SLC1A7: variants seen among roughly 807,000 people sequenced by gnomAD.
SLC1A7 encodes solute carrier family 1 member 7.
SLC1A7 carries 40 observed loss-of-function variants against 47.7 expected under a neutral mutation model. The observed-to-expected ratio is 0.84, with a 90% CI of 0.65 to 1.09. The LOEUF is 1.09. Ranked by LOEUF, SLC1A7 falls within the 50% of genes least tolerant of loss-of-function variation. SLC1A7 has a pLI of 0.00. For missense variants in SLC1A7, 746 were observed against 769.5 expected (o/e 0.97, Z 0.36); for synonymous variants, 323 against 325.6 (o/e 0.99, Z 0.09).
rs6658725 is a variant in SLC1A7, at chr1:53,087,781, G to A, written c.*228C>T. The A allele has an allele frequency of 3.5e-5, 13 of 367,014 alleles. No individual in the cohort carries two copies. The highest frequency in any genetic ancestry group is 4.9e-5 in the Non-Finnish European group (10 of 205,422). 22.7% of individuals were successfully genotyped at this position (367,014 alleles called of 1,614,324 possible). A position where few individuals can be genotyped will look rare whatever the true frequency, so the allele number is the denominator to read the frequency against. On this transcript the variant is annotated 3_prime_UTR_variant, in exon 11 of 11. Coordinates refer to ENST00000371494, the MANE Select transcript of SLC1A7 (RefSeq NM_006671.6). The stretch of plus-strand genomic sequence containing the variant: ...CACACCGGGGAAACTGTCACAGCGG[G>A]GCCTCAGGCAATGCCGGGCCCATCA...
At position 53,088,897 on chromosome 1, in the gene SLC1A7, C is replaced by A. The variant is rs148719041; in HGVS notation, c.1444G>T (p.Ala482Ser). ...CTCACCTCGGTGCCTGTGTCCCGGG[C>A]AAAATCCTTCCGACATATATGGGCC... ...IMAHICRKDF[A>S]RDTGTEKLLP... The change falls in exon 10 of 11, where the codon GCC becomes TCC. Residue 482 changes from alanine to serine, a missense_variant. Coordinates refer to ENST00000371494, the MANE Select transcript of SLC1A7 (RefSeq NM_006671.6). 6.2e-7 allele frequency: 1 copy of A among 1,614,000 alleles called. No homozygotes were observed. Among genetic ancestry groups the A allele is most frequent in the Middle Eastern group, 1.7e-4 (1 of 6,060 alleles).
At chr1:53,130,679 C>T (rs1363404224) in intron 2 of SLC1A7, among the ~76,000 whole-genome samples, 6 of 152,188 alleles carry the variant, frequency 3.9e-5, no homozygotes, top group Non-Finnish European at 7.4e-5. Context: ...AGAATACTTT[C>T]GGAGCTCTGA....
At chr1:53,130,171 C>A (rs1030373883) in intron 2 of SLC1A7, among the ~76,000 whole-genome samples, 1 of 152,236 alleles carries the variant, frequency 6.6e-6, no homozygotes, top group East Asian at 1.9e-4. Flanking sequence ...ATTTTACCAA[C>A]AAATGGGGAG....
chr1:53,133,711 G>A (rs1644963437), intron 2 of SLC1A7, among the ~76,000 whole-genome samples: 1 of 152,146 alleles, frequency 6.6e-6, no homozygotes, highest in Non-Finnish European at 1.5e-5. Flanking sequence ...GATTTCCATG[G>A]CCCGCACCCT....
At chr1:53,133,001 G>A (rs1424111797) in intron 2 of SLC1A7, among the ~76,000 whole-genome samples, 3 of 152,164 alleles carry the variant, frequency 2.0e-5, no homozygotes, top group Admixed American at 6.5e-5. Context: ...TATGAAATTA[G>A]ATGAGAAAAG....
chr1:53,130,990 C>A lies in SLC1A7; in HGVS notation c.215+3360G>T, dbSNP rs117988682. Among the ~76,000 whole-genome samples the A allele has an allele frequency of 3.9e-5, 6 of 152,288 alleles. No homozygotes were observed. The South Asian group carries it at 8.3e-4, about 21-fold the overall frequency. ...ACTCAGAAATGCGTCATATCTCCCC[C>A]CTGAAGGTTTAATTTTCCCTTCATA... On this transcript the variant is annotated intron_variant, in intron 2 of 10. Coordinates refer to ENST00000371494, the MANE Select transcript of SLC1A7 (RefSeq NM_006671.6).
At position 53,090,149 on chromosome 1, in the gene SLC1A7, C is replaced by T. The variant is rs538413911; in HGVS notation, c.1227-215G>A. 206 of 618,954 alleles carry T rather than the reference C, an allele frequency of 3.3e-4. 3 individuals are homozygous for T. The South Asian group carries it at 3.7e-3, about 11-fold the overall frequency. 38.3% of individuals were successfully genotyped at this position (618,954 alleles called of 1,614,324 possible). ...CCCCATTCCTGGCCTCAGGAGAATC[C>T]CTGGGAACTGTGCAAACACCTGTGT... On this transcript the variant is annotated intron_variant, in intron 8 of 10. Transcript: ENST00000371494.
chr1:53,128,446 CA>C (rs2150342027), intron 2 of SLC1A7, among the ~76,000 whole-genome samples: 1 of 94,790 alleles, frequency 1.1e-5, no homozygotes, highest in South Asian at 2.9e-4. Context: ...CACTGCACTC[CA>C]GCCTGAGGGA....
chr1:53,090,375 G>T, intron 8 of SLC1A7: 1 of 618,104 alleles, frequency 1.6e-6, no homozygotes, highest in East Asian at 3.0e-5. Flanking sequence ...CTGCCACACG[G>T]GCGGCCTCTC....
chr1:53,093,627 C>G, intron 5 of SLC1A7, 67 bp from the exon 6 acceptor site: 1 of 1,279,940 alleles, frequency 7.8e-7, no homozygotes, highest in South Asian at 1.3e-5. Flanking sequence ...TGGGTCTCAG[C>G]ATGGCTGGCT....
intron 2 of SLC1A7, among the ~76,000 whole-genome samples, chr1:53,127,723 T>G (rs1443445690): frequency 6.6e-6 from 1 of 152,148 alleles, no homozygotes; most frequent in Non-Finnish European, 1.5e-5. Flanking sequence ...GAGCTGCCTG[T>G]GGAGACAGCT....
chr1:53,123,539 G>A (rs932067910), intron 2 of SLC1A7, among the ~76,000 whole-genome samples: 3 of 152,220 alleles, frequency 2.0e-5, no homozygotes, highest in African/African-American at 4.8e-5. Flanking sequence ...TCTGGCCAGC[G>A]GGTGGGGAGA....
chr1:53,097,024 A>G (rs1644501833), intron 5 of SLC1A7, among the ~76,000 whole-genome samples: 1 of 146,300 alleles, frequency 6.8e-6, no homozygotes, highest in African/African-American at 2.6e-5. Flanking sequence ...ACCCTCACAC[A>G]CACTGTCTTG....
intron 3 of SLC1A7, among the ~76,000 whole-genome samples, chr1:53,113,288 T>C (rs1170979619): frequency 1.3e-5 from 2 of 152,074 alleles, no homozygotes; most frequent in Non-Finnish European, 2.9e-5. Context: ...TCACCACCTG[T>C]CCTGCAAGAG....
At position 53,134,349 on chromosome 1, in the gene SLC1A7, C is replaced by T. The variant is rs1474635497; in HGVS notation, c.215+1G>A. 1.2e-6 allele frequency: 2 copies of T among 1,612,108 alleles called. No homozygotes were observed. Among genetic ancestry groups the T allele is most frequent in the East Asian group, 4.5e-5 (2 of 44,882 alleles). On this transcript the variant is annotated splice_donor_variant, in intron 2 of 10. Coordinates refer to ENST00000371494, the MANE Select transcript of SLC1A7 (RefSeq NM_006671.6). LOFTEE classifies it high-confidence loss of function. Reference sequence around the variant, plus strand: ...CCACCTGGTCAAACCCCCGCTCTCACCTGGAGACCACCAGTGGCAGGATCA... The same window carrying T: ...CCACCTGGTCAAACCCCCGCTCTCATCTGGAGACCACCAGTGGCAGGATCA...
chr1:53,117,025 C>G (rs144921189), intron 2 of SLC1A7, among the ~76,000 whole-genome samples: 1 of 152,156 alleles, frequency 6.6e-6, no homozygotes, highest in Non-Finnish European at 1.5e-5. Context: ...GCAAGGGAAG[C>G]GGGGACAAGG....
chr1:53,096,677 A>ACT, intron 5 of SLC1A7, among the ~76,000 whole-genome samples: 1 of 150,212 alleles, frequency 6.7e-6, no homozygotes, highest in Middle Eastern at 3.6e-3. Context: ...GCCTCAGTAC[A>ACT]CACACACACC....
intron 1 of SLC1A7, among the ~76,000 whole-genome samples, chr1:53,135,765 T>A (rs1644986052): frequency 6.6e-6 from 1 of 152,222 alleles, no homozygotes; most frequent in Non-Finnish European, 1.5e-5. Context: ...CTTAATTCAG[T>A]TCTGCTACTT....
Position 53,101,857 on chromosome 1 carries a change from C to T in SLC1A7, c.697+1489G>A, listed in dbSNP as rs552814822. On this transcript the variant is annotated intron_variant, in intron 5 of 10. Coordinates refer to ENST00000371494, the MANE Select transcript of SLC1A7 (RefSeq NM_006671.6). ...CGCACACTCAGTACACTCACACGCC[C>T]GCCTCGGTACACTCACACTCTTTGT... 3.4e-3 allele frequency among the ~76,000 whole-genome samples: 506 copies of T among 148,996 alleles called. 2 individuals are homozygous for T. The highest frequency in any genetic ancestry group is 0.012 in the African/African-American group (472 of 40,318).
Sources: gnomAD v4.1 joint callset for allele counts (sites outside exome capture counted in the v4.1 genomes callset) on GRCh38, gnomAD v4.1.1 for gene constraint, MANE v1.5 for transcripts, NCBI Gene and HGNC (gene_info 2026-07-23, HGNC 2026-07-21) for gene names.